Variants in TMEFF1 observed in about 807,000 individuals in gnomAD.
The protein encoded by TMEFF1 is transmembrane protein with EGF like and two follistatin like domains 1, also known as tomoregulin-1.
A neutral mutation model predicts 47.5 loss-of-function variants in TMEFF1; 20 were observed. The ratio of observed to expected loss-of-function variants is 0.42; its 90% CI spans 0.30 to 0.61. The LOEUF (loss-of-function observed/expected upper bound fraction) is 0.61, where lower values mean the gene tolerates loss of function less well. Among genes scored for constraint, TMEFF1 ranks in the 20% least tolerant of loss-of-function variants. TMEFF1 has a pLI of 0.19. For missense variants in TMEFF1, 411 were observed against 471.1 expected (o/e 0.87, Z 1.18); for synonymous variants, 162 against 166.3 (o/e 0.97, Z 0.20).
At chr9:100,527,630 A>AG (rs1838288450) in intron 5 of TMEFF1, among the ~76,000 whole-genome samples, 1 of 152,142 alleles carries the variant, frequency 6.6e-6, no homozygotes. Flanking sequence ...CAGCAGTCTG[A>AG]GATCAAACTG....
intron 1 of TMEFF1, among the ~76,000 whole-genome samples, chr9:100,492,597 AG>A (rs1837574619): frequency 6.6e-6 from 1 of 152,192 alleles, no homozygotes; most frequent in African/African-American, 2.4e-5. Flanking sequence ...GTTGGAGATA[AG>A]TTCTAAGAGT....
intron 2 of TMEFF1, among the ~76,000 whole-genome samples, chr9:100,503,535 A>AACACACACAC (rs66485935): frequency 2.8e-4 from 40 of 144,048 alleles, no homozygotes; most frequent in Middle Eastern, 3.5e-3. Flanking sequence ...GAGAAACAGA[A>AACACACACAC]ACACACACAC....
At chr9:100,476,720 G>A (rs183011079) in intron 1 of TMEFF1, among the ~76,000 whole-genome samples, 20 of 126,876 alleles carry the variant, frequency 1.6e-4, no homozygotes, top group Admixed American at 1.6e-3. Context: ...TTTTTGAGAC[G>A]GAGTCTCACT....
intron 5 of TMEFF1, among the ~76,000 whole-genome samples, chr9:100,534,992 CA>C (rs1647552486): frequency 6.6e-6 from 1 of 152,200 alleles, no homozygotes; most frequent in Non-Finnish European, 1.5e-5. Flanking sequence ...TAGCAGGCCA[CA>C]TGTGGTCTTC....
chr9:100,527,810 A>G (rs1330714275), intron 5 of TMEFF1, among the ~76,000 whole-genome samples: 16 of 152,214 alleles, frequency 1.1e-4, no homozygotes, highest in Admixed American at 1.0e-3. Context: ...ACAAAAAGAC[A>G]GCAGTAACCT....
At position 100,512,834 on chromosome 9, in the gene TMEFF1, T is replaced by C. The variant is rs934193063; in HGVS notation, c.437-473T>C. Among the ~76,000 whole-genome samples the C allele has an allele frequency of 2.0e-5, 3 of 152,280 alleles. No homozygotes were observed. In the East Asian group the frequency reaches 5.8e-4, roughly 29 times the overall value. Reference sequence around the variant, plus strand: ...AAACCTTGGGGCTTTTCTTACCTTTTGGCTTTTGGTCTTTATCCGCAGATT... The same window carrying C: ...AAACCTTGGGGCTTTTCTTACCTTTCGGCTTTTGGTCTTTATCCGCAGATT... On this transcript the variant is annotated intron_variant, in intron 3 of 9. Coordinates refer to ENST00000374879, the MANE Select transcript of TMEFF1 (RefSeq NM_003692.5).
rs746464182 is a variant in TMEFF1 at position 100,509,090 on chromosome 9, A to G, written c.392A>G (p.His131Arg). 1.3e-6 allele frequency: 2 copies of G among 1,599,622 alleles called. No homozygotes were observed. The highest frequency in any genetic ancestry group is 8.5e-7 in the Non-Finnish European group (1 of 1,174,194). Residue 131 changes from histidine to arginine, a missense_variant, in exon 3 of 10, where the codon CAC becomes CGC. Coordinates refer to ENST00000374879, the MANE Select transcript of TMEFF1 (RefSeq NM_003692.5). ...ECFLRRAACK[H>R]QKEITVIARG... Reference sequence around the variant, plus strand: ...TTTCTCAGAAGGGCTGCTTGTAAGCACCAGAAAGAGATAACAGTAATAGCA... The same window carrying G: ...TTTCTCAGAAGGGCTGCTTGTAAGCGCCAGAAAGAGATAACAGTAATAGCA...
intron 8 of TMEFF1, among the ~76,000 whole-genome samples, chr9:100,564,225 C>G (rs1310256711): frequency 6.6e-6 from 1 of 152,170 alleles, no homozygotes; most frequent in Non-Finnish European, 1.5e-5. Flanking sequence ...CAGGTGTGTG[C>G]CACCATGCCT....
Position 100,509,775 on chromosome 9 carries a change from G to GAA in TMEFF1, c.436+656_436+657dup, listed in dbSNP as rs768756484. On this transcript the variant is annotated intron_variant, in intron 3 of 9. Transcript: ENST00000374879. The stretch of plus-strand genomic sequence containing the variant: ...GGCGACAGAGCAAGACTCCATCTCA[G>GAA]AAAAAAAAAAAAAAAAGGTGAGGAA... Among the ~76,000 whole-genome samples, 73 of 100,556 alleles carry GAA rather than the reference G, an allele frequency of 7.3e-4. 1 individual carries two copies. Among genetic ancestry groups the GAA allele is most frequent in the Middle Eastern group, 5.7e-3 (1 of 174 alleles). The allele number at this position is 100,556 out of a possible 152,430, so 66.0% of individuals were successfully genotyped here.
At chr9:100,550,182 A>G (rs2118516697) in intron 7 of TMEFF1, 22 bp downstream of exon 7, 1 of 1,603,906 alleles carries the variant, frequency 6.2e-7, no homozygotes, top group East Asian at 2.2e-5. Context: ...TGCATCTCCA[A>G]ATTTTGGCCA....
intron 5 of TMEFF1, among the ~76,000 whole-genome samples, chr9:100,544,841 G>A (rs1838701459): frequency 6.6e-6 from 1 of 152,212 alleles, no homozygotes; most frequent in Non-Finnish European, 1.5e-5. Context: ...GCAGAAATTG[G>A]CCAAAACAAA....
intron 1 of TMEFF1, among the ~76,000 whole-genome samples, chr9:100,495,178 A>G (rs10989115): frequency 0.043 from 6,619 of 152,272 alleles, 317 homozygotes; most frequent in South Asian, 0.21. Context: ...GTTTGTGTGT[A>G]CTATGAAATT....
At chr9:100,568,264 C>G (rs1049372065) in intron 8 of TMEFF1, among the ~76,000 whole-genome samples, 6 of 152,196 alleles carry the variant, frequency 3.9e-5, no homozygotes, top group Non-Finnish European at 1.5e-5. Flanking sequence ...CATTAGAGAG[C>G]TGCATATCTA....
chr9:100,479,946 G>A (rs554794694), intron 1 of TMEFF1, among the ~76,000 whole-genome samples: 9 of 152,224 alleles, frequency 5.9e-5, no homozygotes, highest in African/African-American at 1.9e-4. Flanking sequence ...ATTACCAAAC[G>A]GTTTTCCAAA....
intron 8 of TMEFF1, 143 bp downstream of exon 8, chr9:100,561,663 A>G (rs1839018206): frequency 7.7e-7 from 1 of 1,296,058 alleles, no homozygotes; most frequent in Non-Finnish European, 9.9e-7. Context: ...AATCAGCAGC[A>G]TCATTTGGAA....
At chr9:100,546,267 CATG>C (rs1434692812) in intron 5 of TMEFF1, among the ~76,000 whole-genome samples, 1 of 152,132 alleles carries the variant, frequency 6.6e-6, no homozygotes, top group Non-Finnish European at 1.5e-5. Flanking sequence ...GCCTCACAAT[CATG>C]GTGGAAGGCA....
chr9:100,564,077 GT>G (rs1839074412), intron 8 of TMEFF1, among the ~76,000 whole-genome samples: 1 of 152,002 alleles, frequency 6.6e-6, no homozygotes, highest in East Asian at 1.9e-4. Flanking sequence ...CTGATTTTTC[GT>G]TTTGTTTTTG....
At chr9:100,564,019 A>T (rs1839072003) in intron 8 of TMEFF1, among the ~76,000 whole-genome samples, 1 of 152,200 alleles carries the variant, frequency 6.6e-6, no homozygotes, top group Non-Finnish European at 1.5e-5. Context: ...AACAGCCTTT[A>T]GCCACAGTCC....
intron 7 of TMEFF1, among the ~76,000 whole-genome samples, chr9:100,551,158 A>G (rs1838821776): frequency 6.6e-6 from 1 of 152,254 alleles, no homozygotes; most frequent in African/African-American, 2.4e-5. Context: ...TATGTGATCT[A>G]TCTTTTATAC....
Sources: gnomAD v4.1 joint callset for allele counts (sites outside exome capture counted in the v4.1 genomes callset) on GRCh38, gnomAD v4.1.1 for gene constraint, MANE v1.5 for transcripts, NCBI Gene and HGNC (gene_info 2026-07-23, HGNC 2026-07-21) for gene names.